DNAH17: variants seen among roughly 807,000 people sequenced by gnomAD.
The protein encoded by DNAH17 is axonemal beta dynein heavy chain 17.
In DNAH17, 376 loss-of-function variants were observed where a neutral mutation model predicts 485.6. The ratio of observed to expected loss-of-function variants is 0.77; its 90% CI spans 0.71 to 0.84. DNAH17 has a LOEUF of 0.84. DNAH17 is among the 40% of genes least tolerant of loss of function. The probability of loss-of-function intolerance (pLI) is 0.00; values close to 1 mark genes in which losing one functional copy is unlikely to be tolerated. For missense variants in DNAH17, 6,370 were observed against 5,839.3 expected, an observed-to-expected ratio of 1.09 and a Z score of -2.96; for synonymous variants, 3,031 against 2,405.9, an observed-to-expected ratio of 1.26 and a Z score of -7.60.
rs752983830 is a variant in DNAH17 at position 78,427,031 on chromosome 17, C to T, written c.12666G>A (p.Ala4222=). ...FNMAEIMAKA[A]EKTPYVVVAF... ...CGACTACCACGTAGGGGGTCTTTTC[C>T]GCTGCCTTTGCCATGATCTCAGCCA... Residue 4222 remains alanine, a synonymous_variant, in exon 78 of 81, where the codon GCG becomes GCA. Coordinates refer to ENST00000389840, the MANE Select transcript of DNAH17 (RefSeq NM_173628.4). The T allele has an allele frequency of 1.0e-5, 16 of 1,605,780 alleles. No homozygotes were observed. Among genetic ancestry groups the T allele is most frequent in the East Asian group, 6.7e-5 (3 of 44,618 alleles).
intron 74 of DNAH17, among the ~76,000 whole-genome samples, chr17:78,434,907 G>C (rs963724055): frequency 6.6e-6 from 1 of 152,208 alleles, no homozygotes; most frequent in African/African-American, 2.4e-5. Flanking sequence ...GTGGGGGGAG[G>C]GCTTCAGGCA....
At position 78,510,489 on chromosome 17, in the gene DNAH17, T is replaced by C. The variant is rs2143074822; in HGVS notation, c.4131A>G (p.Ser1377=). 1 of 1,613,906 alleles carries C rather than the reference T, an allele frequency of 6.2e-7. No homozygotes were observed. The highest frequency in any genetic ancestry group is 8.5e-7 in the Non-Finnish European group (1 of 1,179,824). Reference sequence around the variant, plus strand: ...GTAAATCTGCCAGGGTCGTCTCTTCTGACATTTTAAATTTCACCTAAGGGA... The same window carrying C: ...GTAAATCTGCCAGGGTCGTCTCTTCCGACATTTTAAATTTCACCTAAGGGA... ...MQATQVKFKM[S]EETTLADLLQ... Residue 1377 remains serine (S), a synonymous_variant, in exon 27 of 81, where the codon TCA becomes TCG. Transcript: ENST00000389840.
chr17:78,529,898 A>T (rs1204149268), intron 21 of DNAH17, among the ~76,000 whole-genome samples: 4 of 152,122 alleles, frequency 2.6e-5, no homozygotes, highest in African/African-American at 9.7e-5. Flanking sequence ...AAGCCTCAGC[A>T]ACTTAGCTCA....
intron 76 of DNAH17, 86 bp from the exon 77 acceptor site, chr17:78,428,793 C>A: frequency 6.8e-7 from 1 of 1,476,982 alleles, no homozygotes; most frequent in South Asian, 1.2e-5. Context: ...CTTGCCAGAA[C>A]GTTCACCCAC....
Position 78,428,564 on chromosome 17 carries a change from C to A in DNAH17, c.12549G>T (p.Thr4183=). 6.2e-7 allele frequency: 1 copy of A among 1,613,650 alleles called. No individual in the cohort carries two copies. The highest frequency in any genetic ancestry group is 8.5e-7 in the Non-Finnish European group (1 of 1,179,778). ...ACACTCCCGTGCCTGCCCCCGAGTC[C>A]GTCTCTTTTGGCTGCATTTCCAGGA... ...RTVLEMQPKE[T]DSGAGTGVSR... is the part of the protein sequence containing the mutation. The change falls in exon 77 of 81, where the codon ACG becomes ACT. Residue 4183 remains threonine, a synonymous_variant. Transcript: ENST00000389840.
rs372091121 is a variant in DNAH17, at chr17:78,442,693, G to A, written c.11529-1494C>T. 1.3e-3 allele frequency among the ~76,000 whole-genome samples: 199 copies of A among 152,318 alleles called. 2 individuals are homozygous for A. In the South Asian group the frequency reaches 0.017, roughly 13 times the overall value. ...GCTTTGACAAAGGAGTGCTGGAGCC[G>A]GCTGGTGACAGCTTTCAGCAGACCC... On this transcript the variant is annotated intron_variant, in intron 71 of 80. Coordinates refer to ENST00000389840, the MANE Select transcript of DNAH17 (RefSeq NM_173628.4).
intron 13 of DNAH17, among the ~76,000 whole-genome samples, chr17:78,559,885 TTTACCCGCATGCCGTGCTGCAAAGCTG>T: frequency 6.6e-6 from 1 of 152,200 alleles, no homozygotes; most frequent in South Asian, 2.1e-4. Flanking sequence ...TGGCCTTTTC[TTTACCCGCATGCCGTGCTGCAAAGCTG>T]TTCCCTCCAT....
chr17:78,560,534 A>C lies in DNAH17; in HGVS notation c.2031+206T>G, dbSNP rs16971539. Among the ~76,000 whole-genome samples, 20 of 151,980 alleles carry C rather than the reference A, an allele frequency of 1.3e-4. 1 individual carries two copies. Among genetic ancestry groups the C allele is most frequent in the Admixed American group, 9.2e-4 (14 of 15,254 alleles). ...TTCTTGGGATCACAGGAACGCTTTCAAGAAGATACTCATTGAAGCTATTGT... is the reference window on the plus strand; with the variant it reads ...TTCTTGGGATCACAGGAACGCTTTCCAGAAGATACTCATTGAAGCTATTGT... On this transcript the variant is annotated intron_variant, in intron 13 of 80. Transcript: ENST00000389840.
In DNAH17 at chr17:78,462,915, T is replaced by C; in HGVS notation, c.9103A>G (p.Arg3035Gly). 1 of 1,614,034 alleles carries C rather than the reference T, an allele frequency of 6.2e-7. No homozygotes were observed. The highest frequency in any genetic ancestry group is 1.3e-5 in the African/African-American group (1 of 75,060). Residue 3035 changes from arginine (R) to glycine (G), a missense_variant, in exon 57 of 81, where the codon AGA (arginine) becomes GGA (glycine). Coordinates refer to ENST00000389840, the MANE Select transcript of DNAH17 (RefSeq NM_173628.4). The stretch of plus-strand genomic sequence containing the variant: ...TCGATTTTGGCAACAAGTTCCGTTC[T>C]CTTCTTGGCCAGCAGGTTCTGGTAC... ...KLYQNLLAKK[R>G]TELVAKIERL...
chr17:78,488,956 C>T (rs2089731751), intron 44 of DNAH17, among the ~76,000 whole-genome samples: 1 of 152,086 alleles, frequency 6.6e-6, no homozygotes, highest in African/African-American at 2.4e-5. Flanking sequence ...GGAACCAGCA[C>T]TGCCTACTCC....
chr17:78,473,861 C>A (rs1351312852), intron 54 of DNAH17, among the ~76,000 whole-genome samples: 4 of 152,158 alleles, frequency 2.6e-5, no homozygotes, highest in African/African-American at 9.7e-5. Context: ...TCAAATGACA[C>A]TTGAGTGGCC....
chr17:78,543,585 C>G (rs1055605062), intron 17 of DNAH17, among the ~76,000 whole-genome samples: 1 of 152,102 alleles, frequency 6.6e-6, no homozygotes, highest in Admixed American at 6.5e-5. Context: ...CCACCGCGCC[C>G]GGCCAATTTT....
rs962845108 is a variant in DNAH17 at position 78,494,906 on chromosome 17, C to T, written c.6042+53G>A. 1.3e-5 allele frequency: 21 copies of T among 1,584,734 alleles called. No homozygotes were observed. The Admixed American group carries it at 3.4e-4, about 26-fold the overall frequency. ...GTCTGGAAGCCAACCCTGGCTGCTG[C>T]CCGCATCTCAAACTCCCACCCACAC... is the stretch of plus-strand genomic sequence containing the variant. On this transcript the variant is annotated intron_variant, in intron 39 of 80. Coordinates refer to ENST00000389840, the MANE Select transcript of DNAH17 (RefSeq NM_173628.4).
intron 14 of DNAH17, among the ~76,000 whole-genome samples, chr17:78,554,229 C>G (rs559717467): frequency 3.8e-4 from 58 of 152,128 alleles, no homozygotes; most frequent in African/African-American, 1.3e-3. Context: ...CACTTAAGGT[C>G]AGGAGTTCAA....
intron 17 of DNAH17, among the ~76,000 whole-genome samples, chr17:78,543,242 G>A (rs925484164): frequency 2.2e-4 from 33 of 152,016 alleles, no homozygotes; most frequent in Admixed American, 1.3e-4. Context: ...AGCCTCCCGA[G>A]TAGCTGGGAT....
At chr17:78,565,122 C>T (rs1568263795) in intron 11 of DNAH17, among the ~76,000 whole-genome samples, 1 of 152,182 alleles carries the variant, frequency 6.6e-6, no homozygotes, top group Non-Finnish European at 1.5e-5. Flanking sequence ...CATGGACTCC[C>T]ACCCTGCTCC....
intron 74 of DNAH17, among the ~76,000 whole-genome samples, chr17:78,437,007 C>T (rs576404254): frequency 1.3e-5 from 2 of 152,162 alleles, no homozygotes; most frequent in South Asian, 2.1e-4. Flanking sequence ...GGAGGGTCCT[C>T]GAGCCCCAGG....
chr17:78,453,645 T>G (rs967440163), intron 64 of DNAH17, among the ~76,000 whole-genome samples, 180 bp from the exon 65 acceptor site: 1 of 152,256 alleles, frequency 6.6e-6, no homozygotes, highest in Non-Finnish European at 1.5e-5. Flanking sequence ...GGGGCTTCTT[T>G]GTAAACTGCC....
At chr17:78,534,719 C>T (rs940028269) in intron 19 of DNAH17, among the ~76,000 whole-genome samples, 1 of 152,212 alleles carries the variant, frequency 6.6e-6, no homozygotes, top group Admixed American at 6.5e-5. Context: ...GGGCTGGTGG[C>T]AGCCTGGCAT....
Sources: allele counts gnomAD v4.1 joint callset (sites outside exome capture counted in the v4.1 genomes callset), GRCh38; gene constraint gnomAD v4.1.1; transcripts MANE v1.5; gene names NCBI Gene and HGNC (gene_info 2026-07-23, HGNC 2026-07-21).